The following ZNF285 variants were observed in gnomAD, a reference collection of about 807,000 sequenced individuals.
ZNF285 encodes zinc finger protein 285A.
Under a neutral mutation model 6.2 loss-of-function variants are expected in ZNF285, and 4 were observed. That is an observed-to-expected ratio of 0.65 (90% confidence interval 0.32 to 1.49). ZNF285 has a LOEUF of 1.49. ZNF285 is among the 40% of genes most tolerant of loss of function. The pLI is 0.07. For synonymous variants in ZNF285, 240 were observed against 245.8 expected, an observed-to-expected ratio of 0.98 and a Z score of 0.22; for missense variants, 695 against 708.8, an observed-to-expected ratio of 0.98 and a Z score of 0.22.
Position 44,384,488 on chromosome 19 carries a change from T to C in ZNF285, c.*1984A>G, listed in dbSNP as rs556844796. On this transcript the variant is annotated 3_prime_UTR_variant, in exon 4 of 4. Transcript: ENST00000614994. ...CTCATTTCTACTGACATAGAATTTT[T>C]AAAATATTTCACTATTATCCACCTG... 6.6e-6 allele frequency: 1 copy of C among 152,306 alleles called. No individual in the cohort carries two copies. The highest frequency in any genetic ancestry group is 2.4e-5 in the African/African-American group (1 of 41,566). The allele number at this position is 152,306 out of a possible 1,614,324, so 9.4% of individuals were successfully genotyped here.
intron 1 of ZNF285, among the ~76,000 whole-genome samples, chr19:44,398,980 A>G (rs935124960): frequency 1.4e-4 from 21 of 151,656 alleles, no homozygotes; most frequent in South Asian, 6.3e-4. Context: ...AGAAATTACC[A>G]GAAAAAGGAA....
rs759667078 is a variant in ZNF285 at position 44,386,879 on chromosome 19, A to G, written c.1366T>C (p.Tyr456His). 6.8e-6 allele frequency: 11 copies of G among 1,614,234 alleles called. No individual in the cohort carries two copies. In the South Asian group the frequency reaches 1.2e-4, roughly 18 times the overall value. ...TCCTTTCCACACACATTGCATTTGT[A>G]TGGTTTCTCCCCTGTGTGGACTCTC... ...HQRVHTGEKP[Y>H]KCNVCGKDFA... is the part of the protein sequence containing the mutation. The change falls in exon 4 of 4, where the codon TAC (tyrosine) becomes CAC (histidine). Residue 456 changes from tyrosine to histidine, a missense_variant. Physicochemically the swap from Tyr to His is moderately conservative, Grantham distance 83 (BLOSUM62 2). Transcript: ENST00000614994.
chr19:44,388,979 A>G (rs595552), intron 3 of ZNF285, among the ~76,000 whole-genome samples: 31,483 of 99,220 alleles, frequency 0.32, 6,769 homozygotes, highest in African/African-American at 0.65. Context: ...GTGAAATATG[A>G]TCCTGGCGTT....
rs1247736447 is a variant in ZNF285 at position 44,383,841 on chromosome 19, C to T, written c.*2631G>A. On this transcript the variant is annotated 3_prime_UTR_variant, in exon 4 of 4. Coordinates refer to ENST00000614994, the MANE Select transcript of ZNF285 (RefSeq NM_152354.6). Reference sequence around the variant, plus strand: ...GGAGCTAGACTAATTTCTGCTTTTTCCATGCTACTTTGCTACAAGAGGAAA... The same window carrying T: ...GGAGCTAGACTAATTTCTGCTTTTTTCATGCTACTTTGCTACAAGAGGAAA... 2 of 152,112 alleles carry T rather than the reference C, an allele frequency of 1.3e-5. No individual in the cohort carries two copies. The highest frequency in any genetic ancestry group is 2.9e-5 in the Non-Finnish European group (2 of 68,000). 9.4% of individuals were successfully genotyped at this position (152,112 alleles called of 1,614,324 possible). A position where few individuals can be genotyped will look rare whatever the true frequency, so the allele number is the denominator to read the frequency against.
In ZNF285 at chr19:44,387,028, CCA is replaced by C. The variant is rs749100345; in HGVS notation, c.1215_1216del (p.Cys405TrpfsTer5). 1 of 1,614,142 alleles carries C rather than the reference CCA, an allele frequency of 6.2e-7. No homozygotes were observed. The highest frequency in any genetic ancestry group is 1.7e-5 in the Admixed American group (1 of 60,008). On this transcript the variant is annotated frameshift_variant, in exon 4 of 4. Transcript: ENST00000614994. LOFTEE classifies it low-confidence loss of function (END_TRUNC). ...AACGGAGCTTGAACTAAAGCACTTG[CCA>C]CACTCACTGCATTTGTAGGGCTTCT... is the stretch of plus-strand genomic sequence containing the variant.
intron 1 of ZNF285, among the ~76,000 whole-genome samples, chr19:44,401,087 C>A (rs1369949297): frequency 1.3e-5 from 2 of 152,132 alleles, no homozygotes; most frequent in East Asian, 3.9e-4. Flanking sequence ...GAGCCAGAAT[C>A]GCCCCCACCA....
At chr19:44,397,291 T>C (rs747383542) in intron 1 of ZNF285, 35 bp from the exon 2 acceptor site, 6 of 1,611,770 alleles carry the variant, frequency 3.7e-6, no homozygotes, top group South Asian at 1.1e-5. Context: ...GATCATGGGT[T>C]CAACAAGTTG....
chr19:44,386,678 G>C lies in ZNF285; in HGVS notation c.1567C>G (p.Arg523Gly). 6.2e-7 allele frequency: 1 copy of C among 1,614,098 alleles called. No individual in the cohort carries two copies. Among genetic ancestry groups the C allele is most frequent in the Non-Finnish European group, 8.5e-7 (1 of 1,180,010 alleles). ...KCDECGKGFS[R>G]NSDLNVHLRV... ...AGGTGAACATTAAGATCTGAATTCCGGCTGAAGCCTTTACCACACTCATCA... is the reference window on the plus strand; with the variant it reads ...AGGTGAACATTAAGATCTGAATTCCCGCTGAAGCCTTTACCACACTCATCA... Residue 523 changes from arginine (R) to glycine (G), a missense_variant, in exon 4 of 4, where the codon CGG becomes GGG. Physicochemically the swap from Arg to Gly is moderately radical, Grantham distance 125. Coordinates refer to ENST00000614994, the MANE Select transcript of ZNF285 (RefSeq NM_152354.6).
In ZNF285 at chr19:44,384,548, ATTT is replaced by A. The variant is rs1345324280; in HGVS notation, c.*1921_*1923del. On this transcript the variant is annotated 3_prime_UTR_variant, in exon 4 of 4. Transcript: ENST00000614994. ...AAAATGACACTTCAGGGATGGTTTTATTTGCACTTGAATGGCTGTTCTGTTTAC... is the reference window on the plus strand; with the variant it reads ...AAAATGACACTTCAGGGATGGTTTTAGCACTTGAATGGCTGTTCTGTTTAC... The A allele has an allele frequency of 6.6e-6, 1 of 152,206 alleles. No homozygotes were observed. Among genetic ancestry groups the A allele is most frequent in the Non-Finnish European group, 1.5e-5 (1 of 68,030 alleles). The allele number at this position is 152,206 out of a possible 1,614,324, so 9.4% of individuals were successfully genotyped here.
intron 2 of ZNF285, chr19:44,394,594 A>G: frequency 3.6e-6 from 2 of 549,224 alleles, no homozygotes; most frequent in Non-Finnish European, 6.3e-6. Flanking sequence ...TAAAAAAACC[A>G]TCTCCTCATC....
Position 44,385,568 on chromosome 19 carries a change from T to C in ZNF285, c.*904A>G, listed in dbSNP as rs1288318178. 6 of 152,242 alleles carry C rather than the reference T, an allele frequency of 3.9e-5. No individual in the cohort carries two copies. Among genetic ancestry groups the C allele is most frequent in the Admixed American group, 3.9e-4 (6 of 15,282 alleles). 9.4% of individuals were successfully genotyped at this position (152,242 alleles called of 1,614,324 possible). A position where few individuals can be genotyped will look rare whatever the true frequency, so the allele number is the denominator to read the frequency against. ...TGGACTCCAATGACAATGAAACATATTGCTATAAAATCCCTCCATGCTAGT... is the reference window on the plus strand; with the variant it reads ...TGGACTCCAATGACAATGAAACATACTGCTATAAAATCCCTCCATGCTAGT... On this transcript the variant is annotated 3_prime_UTR_variant, in exon 4 of 4. Transcript: ENST00000614994.
rs1195047197 is a variant in ZNF285, at chr19:44,387,692, G to C, written c.553C>G (p.Leu185Val). Residue 185 changes from leucine to valine, a missense_variant, in exon 4 of 4, where the codon CTC (leucine) becomes GTC (valine). Transcript: ENST00000614994. ...TGATGATCACATGAGGTCCAACTGA[G>C]GCTGTCATCATGCTGAGCACGTCTG... ...LYRRAQHDDS[L>V]SWTSCDHHES... 3 of 1,613,644 alleles carry C rather than the reference G, an allele frequency of 1.9e-6. No homozygotes were observed. In the Admixed American group the frequency reaches 5.0e-5, roughly 27 times the overall value.
chr19:44,397,362 G>T (rs1167503218), intron 1 of ZNF285, 106 bp from the exon 2 acceptor site: 11 of 1,310,272 alleles, frequency 8.4e-6, no homozygotes, highest in Admixed American at 7.4e-5. Context: ...CCTCTCACTG[G>T]ATATCATCTC....
At chr19:44,392,500 C>T (rs201590938) in intron 2 of ZNF285, 34 bp from the exon 3 acceptor site, 21 of 1,613,680 alleles carry the variant, frequency 1.3e-5, no homozygotes, top group Non-Finnish European at 1.8e-5. Context: ...GTCAATCATC[C>T]ACACAAATGA....
intron 1 of ZNF285, among the ~76,000 whole-genome samples, chr19:44,400,663 C>T (rs867799897): frequency 6.6e-6 from 1 of 152,126 alleles, no homozygotes; most frequent in Non-Finnish European, 1.5e-5. Context: ...CAAGCTCCGC[C>T]TCCCGGGTTC....
At chr19:44,397,752 C>T (rs564080172) in intron 1 of ZNF285, among the ~76,000 whole-genome samples, 4 of 152,064 alleles carry the variant, frequency 2.6e-5, no homozygotes, top group African/African-American at 7.2e-5. Context: ...GGTGTGGTGG[C>T]GGATGCCTGT....
At position 44,388,201 on chromosome 19, in the gene ZNF285, G is replaced by C. The variant is rs529570844; in HGVS notation, c.143-99C>G. ...TGATGGGGTGGGAAGTTGTCCCTGG[G>C]TTCTATTGACGTATGAAACAATTAG... On this transcript the variant is annotated intron_variant, in intron 3 of 3. Transcript: ENST00000614994. The C allele has an allele frequency of 3.0e-3, 3,385 of 1,127,388 alleles. 69 individuals carry two copies. The African/African-American group carries it at 0.045, about 15-fold the overall frequency. The allele number at this position is 1,127,388 out of a possible 1,614,324, so 69.8% of individuals were successfully genotyped here.
In ZNF285 at chr19:44,387,816, C is replaced by T; in HGVS notation, c.429G>A (p.Gln143=). ...TCCTCCACGATTCTGGGGTAAGAAC[C>T]TGTGTCAGGCTTTGCCATGCTGTGA... is the stretch of plus-strand genomic sequence containing the variant. ...QDITAWQSLT[Q]VLTPESWRKA... The change falls in exon 4 of 4, where the codon CAG becomes CAA. Residue 143 remains glutamine (Q), a synonymous_variant. Transcript: ENST00000614994. 6.2e-7 allele frequency: 1 copy of T among 1,613,952 alleles called. No homozygotes were observed. The highest frequency in any genetic ancestry group is 8.5e-7 in the Non-Finnish European group (1 of 1,179,858).
chr19:44,394,678 T>A (rs1170792963), intron 2 of ZNF285: 1 of 405,278 alleles, frequency 2.5e-6, no homozygotes, highest in Non-Finnish European at 4.3e-6. Flanking sequence ...TATTTACAGA[T>A]ATGTTCTCTC....
Sources: allele counts gnomAD v4.1 joint callset (sites outside exome capture counted in the v4.1 genomes callset), GRCh38; gene constraint gnomAD v4.1.1; transcripts MANE v1.5; gene names NCBI Gene and HGNC (gene_info 2026-07-23, HGNC 2026-07-21).